Variants in KRT73 observed in about 807,000 individuals in gnomAD.
KRT73 encodes keratin 73, also known as keratin, type II cytoskeletal 73.
KRT73 carries 44 observed loss-of-function variants against 47.2 expected under a neutral mutation model. That is an observed-to-expected ratio of 0.93 (90% CI 0.73 to 1.20). The LOEUF is 1.20. Among genes scored for constraint, KRT73 ranks in the 50% most tolerant of loss-of-function variants. KRT73 has a pLI of 0.00. For missense variants in KRT73, 713 were observed against 704.5 expected (o/e 1.01, Z -0.14); for synonymous variants, 285 against 291.3 (o/e 0.98, Z 0.22).
upstream of KRT73, among the ~76,000 whole-genome samples, chr12:52,621,172 C>G (rs896474533): frequency 1.3e-5 from 2 of 151,844 alleles, no homozygotes; most frequent in Admixed American, 6.6e-5. Context: ...AAACTCAATG[C>G]CAGATGAACC....
intron 5 of KRT73, among the ~76,000 whole-genome samples, chr12:52,611,858 G>A (rs1371578363): frequency 6.6e-6 from 1 of 152,056 alleles, no homozygotes; most frequent in African/African-American, 2.4e-5. Flanking sequence ...AACTTAACCA[G>A]TGCAGAGTCC....
the KRT73 span, among the ~76,000 whole-genome samples, chr12:52,628,125 A>C: frequency 6.6e-6 from 1 of 152,122 alleles, no homozygotes; most frequent in Non-Finnish European, 1.5e-5. Context: ...TCCTTCATAA[A>C]CTGGAGGGCT....
chr12:52,620,664 C>T (rs532992265), upstream of KRT73, among the ~76,000 whole-genome samples: 6 of 150,634 alleles, frequency 4.0e-5, no homozygotes, highest in South Asian at 2.1e-4. Context: ...GATGTGCTTA[C>T]GAGCAAACAG....
chr12:52,610,762 T>C lies in KRT73; in HGVS notation c.1184A>G (p.Lys395Arg). Residue 395 changes from lysine (K) to arginine (R), a missense_variant, in exon 7 of 9, where the codon AAG becomes AGG. Lys to Arg is a conservative substitution (Grantham distance 26). Coordinates refer to ENST00000305748, the MANE Select transcript of KRT73 (RefSeq NM_175068.3). ...CAGGGCGCCCTCCAGCTCATCCAGC[T>C]TGGCCCTGGCATCCTTGAGGGCACA... Reference protein sequence around the residue: ...GDCALKDARAKLDELEGALQQ... With the variant: ...GDCALKDARARLDELEGALQQ... The C allele has an allele frequency of 1.2e-6, 2 of 1,613,980 alleles. No individual in the cohort carries two copies. The highest frequency in any genetic ancestry group is 2.2e-5 in the South Asian group (2 of 91,060).
At chr12:52,626,558 C>T in the KRT73 span, among the ~76,000 whole-genome samples, 3 of 152,290 alleles carry the variant, frequency 2.0e-5, no homozygotes, top group East Asian at 1.9e-4. Flanking sequence ...CTGACCAGAG[C>T]TTAGTTTCAT....
chr12:52,616,928 C>G (rs1224704281), intron 1 of KRT73, among the ~76,000 whole-genome samples: 1 of 152,196 alleles, frequency 6.6e-6, no homozygotes, highest in Non-Finnish European at 1.5e-5. Context: ...ACAGCATTGT[C>G]CCAGCAGCAG....
At chr12:52,615,408 A>G in intron 2 of KRT73, 69 bp from the exon 3 acceptor site, 1 of 1,276,768 alleles carries the variant, frequency 7.8e-7, no homozygotes, top group South Asian at 1.2e-5. Flanking sequence ...TCATAGTGAA[A>G]TGAGAAAAGA....
chr12:52,609,412 G>A (rs747250915), intron 7 of KRT73, 131 bp from the exon 8 acceptor site: 18 of 754,228 alleles, frequency 2.4e-5, no homozygotes, highest in Admixed American at 1.6e-4. Context: ...TTGCCAGATG[G>A]CACTGGCTGC....
intron 7 of KRT73, 69 bp from the exon 8 acceptor site, chr12:52,609,350 C>A (rs1940648373): frequency 7.3e-6 from 10 of 1,360,918 alleles, no homozygotes; most frequent in Non-Finnish European, 1.1e-5. Context: ...ACTGCCTAAA[C>A]ACAGGCTGGG....
At chr12:52,610,593 C>T (rs1940677240) in intron 7 of KRT73, 22 bp downstream of exon 7, 1 of 1,334,518 alleles carries the variant, frequency 7.5e-7, no homozygotes, top group South Asian at 1.1e-5. Context: ...GCAGTTTCTT[C>T]CAGTCCCTCG....
intron 8 of KRT73, 117 bp from the exon 9 acceptor site, chr12:52,608,569 T>A: frequency 1.1e-6 from 1 of 884,548 alleles, no homozygotes. Context: ...AGCAAACACT[T>A]CCCATCAACC....
chr12:52,610,528 C>CGCGGGGGGG lies in KRT73; in HGVS notation c.1331+86_1331+87insCCCCCCCGC. On this transcript the variant is annotated intron_variant, in intron 7 of 8. Transcript: ENST00000305748. ...TGAAGTAAACACATCGCCAGCTCGC[C>CGCGGGGGGG]GCCCCCTCCCCCCCGCCCCCAACCA... 2 of 310,072 alleles carry CGCGGGGGGG rather than the reference C, an allele frequency of 6.5e-6. 1 individual carries two copies. Among genetic ancestry groups the CGCGGGGGGG allele is most frequent in the Non-Finnish European group, 1.3e-5 (2 of 154,056 alleles). The allele number at this position is 310,072 out of a possible 1,614,324, so 19.2% of individuals were successfully genotyped here. A position where few individuals can be genotyped will look rare whatever the true frequency, so the allele number is the denominator to read the frequency against.
the KRT73 span, among the ~76,000 whole-genome samples, chr12:52,624,888 AAGTT>A: frequency 1.3e-5 from 2 of 152,154 alleles, no homozygotes; most frequent in Non-Finnish European, 2.9e-5. Context: ...CAGTGGAAGA[AAGTT>A]AGCCTTTTCA....
In KRT73 at chr12:52,618,481, C is replaced by T. The variant is rs1940858408; in HGVS notation, c.44G>A (p.Gly15Glu). 5 of 1,611,306 alleles carry T rather than the reference C, an allele frequency of 3.1e-6. No individual in the cohort carries two copies. The South Asian group carries it at 5.5e-5, about 18-fold the overall frequency. The change falls in exon 1 of 9, where the codon GGG becomes GAG. Residue 15 changes from glycine (G) to glutamate (E), a missense_variant. Coordinates refer to ENST00000305748, the MANE Select transcript of KRT73 (RefSeq NM_175068.3). ...FTYKSGAAAKGGFSGCSAVLS... is the reference protein window; with the variant it reads ...FTYKSGAAAKEGFSGCSAVLS... ...CACAGCGGAGCAGCCGCTGAAGCCC[C>T]CCTTGGCAGCAGCTCCCGACTTGTA...
chr12:52,617,588 C>G (rs1339285806), intron 1 of KRT73, among the ~76,000 whole-genome samples: 2 of 152,168 alleles, frequency 1.3e-5, no homozygotes. Context: ...ACAGCTGGGT[C>G]GCATGGCAGT....
rs752474880 is a variant in KRT73 at position 52,618,222 on chromosome 12, G to A, written c.303C>T (p.Pro101=). ...LGSVCPSLCP[P]GGIHQVTINK... is the part of the protein sequence containing the mutation. ...TGATGGTGACCTGATGGATACCCCC[G>A]GGCGGGCACAACGACGGACACACGG... Residue 101 remains proline, a synonymous_variant, in exon 1 of 9, where the codon CCC becomes CCT. Coordinates refer to ENST00000305748, the MANE Select transcript of KRT73 (RefSeq NM_175068.3). 1.4e-5 allele frequency: 22 copies of A among 1,614,144 alleles called. No homozygotes were observed. Among genetic ancestry groups the A allele is most frequent in the Admixed American group, 5.0e-5 (3 of 60,026 alleles).
At chr12:52,608,565 C>T in intron 8 of KRT73, 113 bp from the exon 9 acceptor site, 1 of 910,968 alleles carries the variant, frequency 1.1e-6, no homozygotes. Context: ...CTTAAGCAAA[C>T]ACTTCCCATC....
intron 7 of KRT73, 86 bp downstream of exon 7, chr12:52,610,528 CG>C: frequency 3.2e-6 from 1 of 310,072 alleles, no homozygotes. Context: ...GCCAGCTCGC[CG>C]CCCCCTCCCC....
At chr12:52,614,818 ACTTCACT>A in intron 3 of KRT73, 144 bp from the exon 4 acceptor site, 1 of 632,534 alleles carries the variant, frequency 1.6e-6, no homozygotes, top group Non-Finnish European at 2.7e-6. Context: ...TCCAGCCACA[ACTTCACT>A]GTCAGACTCA....
Sources: allele counts gnomAD v4.1 joint callset (sites outside exome capture counted in the v4.1 genomes callset), GRCh38; gene constraint gnomAD v4.1.1; transcripts MANE v1.5; gene names NCBI Gene and HGNC (gene_info 2026-07-23, HGNC 2026-07-21).